MKNK1: variants seen among roughly 807,000 people sequenced by gnomAD.
MKNK1 encodes MAP kinase-interacting serine/threonine-protein kinase 1.
Under a neutral mutation model 49.3 loss-of-function variants are expected in MKNK1, and 30 were observed. The ratio of observed to expected loss-of-function variants is 0.61; its 90% CI spans 0.46 to 0.83. The LOEUF (loss-of-function observed/expected upper bound fraction) is 0.83. MKNK1 is among the 40% of genes least tolerant of loss of function. The pLI, the probability that MKNK1 is intolerant of heterozygous loss-of-function variation, is 0.00. For missense variants in MKNK1, 423 were observed against 524.7 expected, an observed-to-expected ratio of 0.81 and a Z score of 1.89; for synonymous variants, 176 against 201.7, an observed-to-expected ratio of 0.87 and a Z score of 1.08.
At chr1:46,559,130 C>T (rs541966337) in intron 12 of MKNK1, among the ~76,000 whole-genome samples, 1 of 152,214 alleles carries the variant, frequency 6.6e-6, no homozygotes, top group Non-Finnish European at 1.5e-5. Flanking sequence ...ACACCTGTCC[C>T]TCCCTCTCCC....
chr1:46,568,782 C>T, intron 7 of MKNK1: 1 of 453,864 alleles, frequency 2.2e-6, no homozygotes, highest in Non-Finnish European at 4.0e-6. Flanking sequence ...CAGTGACCAC[C>T]AAGAAGAAGG....
Position 46,560,242 on chromosome 1 carries a change from G to T in MKNK1, c.1005C>A (p.Val335=), listed in dbSNP as rs775204043. 8 of 1,614,146 alleles carry T rather than the reference G, an allele frequency of 5.0e-6. No individual in the cohort carries two copies. In the South Asian group the frequency reaches 6.6e-5, roughly 13 times the overall value. The change falls in exon 12 of 13, where the codon GTC becomes GTA. Residue 335 remains valine, a synonymous_variant. Coordinates refer to ENST00000371945, the MANE Select transcript of MKNK1 (RefSeq NM_001135553.4). The part of the protein sequence containing the change: ...APEKGLPTPQ[V]LQRNSSTMDL... ...GTGGTCAGAGCATTTACCTCTGGAG[G>T]ACTTGCGGCGTGGGGAGTCCCTTTT...
At chr1:46,559,508 C>G (rs937085036) in intron 12 of MKNK1, among the ~76,000 whole-genome samples, 1 of 152,246 alleles carries the variant, frequency 6.6e-6, no homozygotes. Context: ...CAGCCCAGGG[C>G]TGCTGTGTGG....
At chr1:46,579,584 G>C (rs1270923593) in intron 4 of MKNK1, among the ~76,000 whole-genome samples, 1 of 152,206 alleles carries the variant, frequency 6.6e-6, no homozygotes, top group Non-Finnish European at 1.5e-5. Context: ...AGGAGAGTTT[G>C]TTAACATTTG....
intron 7 of MKNK1, chr1:46,569,283 G>A (rs1249173754): frequency 1.3e-5 from 2 of 152,264 alleles, no homozygotes; most frequent in Non-Finnish European, 2.9e-5. Flanking sequence ...TCCTGAAGGC[G>A]ACTGGAGATA....
At chr1:46,585,423 C>T (rs1369209993) in intron 2 of MKNK1, 1 of 166,596 alleles carries the variant, frequency 6.0e-6, no homozygotes, top group African/African-American at 2.4e-5. Context: ...TTCAGGAGCT[C>T]AGGGAGGGGG....
chr1:46,573,700 TAAAAG>T (rs1156605929), intron 6 of MKNK1: 1 of 151,970 alleles, frequency 6.6e-6, no homozygotes, highest in Non-Finnish European at 1.5e-5. Flanking sequence ...CCAAATCTGT[TAAAAG>T]GAAAAGCAGA....
chr1:46,574,930 T>C lies in MKNK1; in HGVS notation c.352+17A>G, dbSNP rs201999757. The C allele has an allele frequency of 3.2e-6, 5 of 1,573,032 alleles. No homozygotes were observed. In the African/African-American group the frequency reaches 6.8e-5, roughly 21 times the overall value. The stretch of plus-strand genomic sequence containing the variant: ...GGTCTTAATCAGAAGTCCACACACA[T>C]ACTCAACGGTAAGTACCTCCTTGCA... On this transcript the variant is annotated intron_variant, in intron 6 of 12. Coordinates refer to ENST00000371945, the MANE Select transcript of MKNK1 (RefSeq NM_001135553.4).
At chr1:46,582,895 T>A in intron 3 of MKNK1, 1 of 510,518 alleles carries the variant, frequency 2.0e-6, no homozygotes, top group South Asian at 1.5e-5. Flanking sequence ...CAGCAGCCCC[T>A]CCAGGAATAG....
chr1:46,562,499 A>C, intron 10 of MKNK1, 150 bp downstream of exon 10: 1 of 878,950 alleles, frequency 1.1e-6, no homozygotes, highest in Non-Finnish European at 1.6e-6. Context: ...TCTCTATTTT[A>C]CCTTGTGGCC....
At chr1:46,568,325 G>T in intron 8 of MKNK1, 118 bp downstream of exon 8, 1 of 880,938 alleles carries the variant, frequency 1.1e-6, no homozygotes, top group Non-Finnish European at 1.9e-6. Context: ...ACATGTCCAA[G>T]ACGATCAGTT....
In MKNK1 at chr1:46,558,540, C is replaced by T; in HGVS notation, c.*35G>A. 1 of 1,535,782 alleles carries T rather than the reference C, an allele frequency of 6.5e-7. No individual in the cohort carries two copies. The highest frequency in any genetic ancestry group is 8.8e-7 in the Non-Finnish European group (1 of 1,139,598). On this transcript the variant is annotated 3_prime_UTR_variant, in exon 13 of 13. Coordinates refer to ENST00000371945, the MANE Select transcript of MKNK1 (RefSeq NM_001135553.4). ...AGGTTTCCAGGGGACAATGCCTGGC[C>T]AGGCCTAGGGCCTATAAGGTGTGAC...
At chr1:46,598,486 A>G (rs1377823142) in intron 1 of MKNK1, among the ~76,000 whole-genome samples, 1 of 152,176 alleles carries the variant, frequency 6.6e-6, no homozygotes, top group East Asian at 1.9e-4. Context: ...GGGGGAAGGG[A>G]AAATGGCCCT....
At chr1:46,590,974 T>C (rs1673255311) in intron 2 of MKNK1, among the ~76,000 whole-genome samples, 1 of 152,260 alleles carries the variant, frequency 6.6e-6, no homozygotes, top group Non-Finnish European at 1.5e-5. Context: ...TTGTGTTTTG[T>C]CATCTTATGA....
Position 46,557,468 on chromosome 1 carries a change from G to A in MKNK1, c.*1107C>T, listed in dbSNP as rs55796119. The A allele has an allele frequency of 7.2e-5, 11 of 152,656 alleles. No homozygotes were observed. Among genetic ancestry groups the A allele is most frequent in the African/African-American group, 2.6e-4 (11 of 41,538 alleles). The allele number at this position is 152,656 out of a possible 1,614,324, so 9.5% of individuals were successfully genotyped here. A position where few individuals can be genotyped will look rare whatever the true frequency, so the allele number is the denominator to read the frequency against. On this transcript the variant is annotated 3_prime_UTR_variant, in exon 13 of 13. Coordinates refer to ENST00000371945, the MANE Select transcript of MKNK1 (RefSeq NM_001135553.4). ...GCACAATGTATAAAAGCACCGTGGT[G>A]TTGTATAAACGTCTGCCTGACAAAT...
rs577807336 is a variant in MKNK1 at position 46,591,278 on chromosome 1, G to C, written c.-3+2835C>G. ...AGAGTCTGGTGTGAGGGGAGGCTGG[G>C]CTGCAGCATGCAGGTGGCAGCATTT... On this transcript the variant is annotated intron_variant, in intron 2 of 12. Transcript: ENST00000371945. Among the ~76,000 whole-genome samples, 5 of 152,324 alleles carry C rather than the reference G, an allele frequency of 3.3e-5. No homozygotes were observed. In the South Asian group the frequency reaches 1.0e-3, roughly 32 times the overall value.
At chr1:46,599,795 T>A (rs1021596877) in intron 1 of MKNK1, among the ~76,000 whole-genome samples, 1 of 152,202 alleles carries the variant, frequency 6.6e-6, no homozygotes, top group African/African-American at 2.4e-5. Context: ...GGTTTCCTCA[T>A]CTTTAGATTG....
intron 2 of MKNK1, chr1:46,585,811 A>G: frequency 3.5e-6 from 3 of 865,278 alleles, no homozygotes; most frequent in Non-Finnish European, 5.3e-6. Context: ...AGCATACCTC[A>G]CAGCACCACC....
At chr1:46,580,694 A>C in intron 3 of MKNK1, 67 bp from the exon 4 acceptor site, 2 of 1,138,686 alleles carry the variant, frequency 1.8e-6, no homozygotes, top group Non-Finnish European at 2.7e-6. Flanking sequence ...GATGGGAAGA[A>C]CTTTTGTGGC....
Sources: allele counts gnomAD v4.1 joint callset (sites outside exome capture counted in the v4.1 genomes callset), GRCh38; gene constraint gnomAD v4.1.1; transcripts MANE v1.5; gene names NCBI Gene and HGNC (gene_info 2026-07-23, HGNC 2026-07-21).